RBFOX1: variants seen among roughly 807,000 people sequenced by gnomAD.
The protein encoded by RBFOX1 is RNA binding fox-1 homolog 1, also known as RNA binding protein fox-1 homolog 1.
RBFOX1 carries 8 observed loss-of-function variants against 57.7 expected under a neutral mutation model. That is an observed-to-expected ratio of 0.14 (90% confidence interval 0.08 to 0.25). The LOEUF is 0.25. Ranked by LOEUF, RBFOX1 falls within the 10% of genes least tolerant of loss-of-function variation. RBFOX1 has a pLI of 1.00. For missense variants in RBFOX1, 611 were observed against 548.5 expected, an observed-to-expected ratio of 1.11 and a Z score of -1.14; for synonymous variants, 326 against 222.4, an observed-to-expected ratio of 1.47 and a Z score of -4.15.
intron 2 of RBFOX1, among the ~76,000 whole-genome samples, chr16:6,626,204 C>G (rs75536605): frequency 2.5e-4 from 37 of 149,414 alleles, no homozygotes; most frequent in African/African-American, 7.9e-4. Flanking sequence ...TGCTGTCCAT[C>G]AGATTGAACA....
chr16:7,435,753 A>G (rs1214726935), intron 4 of RBFOX1, among the ~76,000 whole-genome samples: 1 of 152,162 alleles, frequency 6.6e-6, no homozygotes, highest in African/African-American at 2.4e-5. Context: ...ATTTTCTTTA[A>G]AGAGCTTCAT....
At chr16:6,701,258 C>G (rs1485384564) in intron 3 of RBFOX1, among the ~76,000 whole-genome samples, 1 of 152,152 alleles carries the variant, frequency 6.6e-6, no homozygotes, top group African/African-American at 2.4e-5. Context: ...CAAGGAGGCT[C>G]TCTGCAGCTG....
chr16:5,767,374 C>T (rs1338146605), intron 3 of RBFOX1, among the ~76,000 whole-genome samples: 2 of 152,212 alleles, frequency 1.3e-5, no homozygotes, highest in South Asian at 2.1e-4. Context: ...CACAGAAATT[C>T]ATTAACTGAG....
intron 4 of RBFOX1, among the ~76,000 whole-genome samples, chr16:7,179,284 A>T (rs989725758): frequency 5.3e-5 from 8 of 151,550 alleles, no homozygotes; most frequent in Non-Finnish European, 1.0e-4. Flanking sequence ...GTTCATGTCC[A>T]TTGGAAGTGT....
At chr16:6,245,584 C>G (rs1234927037) in intron 1 of RBFOX1, among the ~76,000 whole-genome samples, 1 of 152,180 alleles carries the variant, frequency 6.6e-6, no homozygotes, top group Non-Finnish European at 1.5e-5. Context: ...TTATTGCCCT[C>G]TACACACTAA....
chr16:7,252,126 C>G (rs1036894730), intron 4 of RBFOX1, among the ~76,000 whole-genome samples: 3 of 152,194 alleles, frequency 2.0e-5, no homozygotes, highest in Admixed American at 6.5e-5. Flanking sequence ...TTTTCCAGCT[C>G]AGAATTGCAG....
intron 4 of RBFOX1, among the ~76,000 whole-genome samples, chr16:7,190,594 T>C (rs2152623452): frequency 6.6e-6 from 1 of 151,950 alleles, no homozygotes; most frequent in Non-Finnish European, 1.5e-5. Context: ...AGAGGGTAGG[T>C]GTAGTACTGA....
At chr16:5,926,568 C>A (rs1055190697) in intron 4 of RBFOX1, among the ~76,000 whole-genome samples, 10 of 152,126 alleles carry the variant, frequency 6.6e-5, no homozygotes, top group African/African-American at 2.4e-4. Flanking sequence ...TTCTACTACA[C>A]CTCAGACTCG....
intron 3 of RBFOX1, among the ~76,000 whole-genome samples, chr16:5,747,939 C>T (rs1166735952): frequency 2.0e-5 from 3 of 152,046 alleles, no homozygotes; most frequent in African/African-American, 7.2e-5. Context: ...TTTGCTCTTG[C>T]TTCTTTAGTT....
chr16:7,424,860 G>A (rs1052345058), intron 4 of RBFOX1, among the ~76,000 whole-genome samples: 6 of 152,046 alleles, frequency 3.9e-5, no homozygotes, highest in East Asian at 1.9e-4. Flanking sequence ...AATAACAGGT[G>A]TTATTTTGAC....
chr16:6,899,019 C>CCATA (rs59056535), intron 3 of RBFOX1, among the ~76,000 whole-genome samples: 2 of 150,252 alleles, frequency 1.3e-5, no homozygotes, highest in South Asian at 2.1e-4. Flanking sequence ...ATGCGCGTCT[C>CCATA]TGTGTGTGTG....
At chr16:5,727,632 T>C (rs1256742758) in intron 3 of RBFOX1, among the ~76,000 whole-genome samples, 1 of 152,184 alleles carries the variant, frequency 6.6e-6, no homozygotes, top group East Asian at 1.9e-4. Context: ...TCTCCCCATT[T>C]ACCCACCCTC....
chr16:6,123,035 C>G (rs2096563338), intron 1 of RBFOX1, among the ~76,000 whole-genome samples: 1 of 151,862 alleles, frequency 6.6e-6, no homozygotes, highest in South Asian at 2.1e-4. Flanking sequence ...ACATGGCTAT[C>G]AGAAGAAAAT....
At chr16:5,404,184 T>C (rs943698467) in intron 1 of RBFOX1, among the ~76,000 whole-genome samples, 3 of 152,064 alleles carry the variant, frequency 2.0e-5, no homozygotes, top group African/African-American at 7.2e-5. Context: ...AGGAATTAGT[T>C]AATTCATACA....
At chr16:6,292,969 C>T (rs1461705454) in intron 1 of RBFOX1, among the ~76,000 whole-genome samples, 1 of 152,196 alleles carries the variant, frequency 6.6e-6, no homozygotes, top group Non-Finnish European at 1.5e-5. Flanking sequence ...TAGGCTAGGA[C>T]ATTGTTGTCC....
chr16:6,572,782 C>T (rs1003903297), intron 2 of RBFOX1, among the ~76,000 whole-genome samples: 10 of 152,042 alleles, frequency 6.6e-5, no homozygotes, highest in Non-Finnish European at 1.2e-4. Context: ...TTAGTAGAAA[C>T]GGGGTTTCAC....
At chr16:7,545,616 T>C (rs1216885414) in intron 5 of RBFOX1, among the ~76,000 whole-genome samples, 2 of 152,138 alleles carry the variant, frequency 1.3e-5, no homozygotes, top group Non-Finnish European at 1.5e-5. Flanking sequence ...TCCACTTCTT[T>C]CCACCTCTGA....
intron 3 of RBFOX1, among the ~76,000 whole-genome samples, chr16:6,984,052 T>A (rs2131225): frequency 0.81 from 122,971 of 152,074 alleles, 50,366 homozygotes; most frequent in African/African-American, 0.95. Context: ...GTTCAAGACC[T>A]GTCTGATCAA....
At chr16:6,829,421 T>C (rs1052811488) in intron 3 of RBFOX1, among the ~76,000 whole-genome samples, 9 of 151,400 alleles carry the variant, frequency 5.9e-5, no homozygotes, top group Non-Finnish European at 1.0e-4. Context: ...TAAAAGGCTA[T>C]TTGTAGATTT....
Sources: gnomAD v4.1 joint callset for allele counts (sites outside exome capture counted in the v4.1 genomes callset) on GRCh38, gnomAD v4.1.1 for gene constraint, MANE v1.5 for transcripts, NCBI Gene and HGNC (gene_info 2026-07-23, HGNC 2026-07-21) for gene names.